EGLN1: variants seen among roughly 807,000 people sequenced by gnomAD.
EGLN1 encodes the protein egl-9 family hypoxia inducible factor 1.
A neutral mutation model predicts 38.3 loss-of-function variants in EGLN1; 17 were observed. The observed-to-expected ratio is 0.44, with a 90% CI of 0.30 to 0.67. The LOEUF is 0.67. Ranked by LOEUF, EGLN1 falls within the 30% of genes least tolerant of loss-of-function variation. EGLN1 has a pLI of 0.08. For missense variants in EGLN1, 477 were observed against 603.3 expected (o/e 0.79, Z 2.19); for synonymous variants, 283 against 257.5 (o/e 1.10, Z -0.95).
rs1181625429 is a variant in EGLN1, at chr1:231,421,890, G to C, written c.-2C>G. On this transcript the variant is annotated 5_prime_UTR_variant, in exon 1 of 5. Coordinates refer to ENST00000366641, the MANE Select transcript of EGLN1 (RefSeq NM_022051.3). This position sits in a 1 kb window ranked among gnomAD's most constrained non-coding sequence, Gnocchi z 5.5. ...GGGCCCGCCGCTGTCATTGGCCATG[G>C]CGGCGGCGGCGGCGGCGACGGCGAC... 9 of 1,398,924 alleles carry C rather than the reference G, an allele frequency of 6.4e-6. No homozygotes were observed. Among genetic ancestry groups the C allele is most frequent in the Non-Finnish European group, 8.3e-6 (9 of 1,085,002 alleles). The allele number at this position is 1,398,924 out of a possible 1,614,324, so 86.7% of individuals were successfully genotyped here.
chr1:231,396,314 C>T (rs367854971), intron 1 of EGLN1, among the ~76,000 whole-genome samples: 2 of 150,474 alleles, frequency 1.3e-5, no homozygotes, highest in East Asian at 3.9e-4. Context: ...AATGCAGTGG[C>T]AGGATCTCGG....
At chr1:231,417,461 A>T (rs1558083921) in intron 1 of EGLN1, among the ~76,000 whole-genome samples, 1 of 151,560 alleles carries the variant, frequency 6.6e-6, no homozygotes, top group Non-Finnish European at 1.5e-5. Flanking sequence ...CATGATCCTC[A>T]CTCCTCTGCA....
At chr1:231,389,647 A>G (rs557294524) in intron 1 of EGLN1, among the ~76,000 whole-genome samples, 1 of 152,214 alleles carries the variant, frequency 6.6e-6, no homozygotes. Context: ...GAACACAAAG[A>G]TTAAGAACAG....
chr1:231,416,462 T>C (rs1386543912), intron 1 of EGLN1, among the ~76,000 whole-genome samples: 1 of 148,336 alleles, frequency 6.7e-6, no homozygotes, highest in Non-Finnish European at 1.5e-5. Context: ...TGAGATAGGG[T>C]TTTGTTCTAT....
intron 1 of EGLN1, among the ~76,000 whole-genome samples, chr1:231,390,092 C>T (rs555489043): frequency 6.6e-6 from 1 of 152,302 alleles, no homozygotes; most frequent in Non-Finnish European, 1.5e-5. Flanking sequence ...TACCTAACTA[C>T]CCTTGTCTGT....
chr1:231,389,877 G>A (rs978700686), intron 1 of EGLN1, among the ~76,000 whole-genome samples: 2 of 152,208 alleles, frequency 1.3e-5, no homozygotes, highest in Non-Finnish European at 2.9e-5. Flanking sequence ...GAACCCGGGA[G>A]GCAGAGGTTG....
chr1:231,377,602 AGAG>A (rs1174611609), intron 1 of EGLN1, among the ~76,000 whole-genome samples: 1 of 152,214 alleles, frequency 6.6e-6, no homozygotes, highest in Non-Finnish European at 1.5e-5. Context: ...ATCGGGTAGG[AGAG>A]GAGTTTATCG....
chr1:231,392,288 A>AAAAAT (rs770431407), intron 1 of EGLN1, among the ~76,000 whole-genome samples: 10 of 152,310 alleles, frequency 6.6e-5, no homozygotes, highest in East Asian at 1.9e-4. Context: ...CTCTGTCTCA[A>AAAAAT]AAAATAAAAT....
chr1:231,367,533 C>T (rs1687683297), intron 4 of EGLN1, 36 bp downstream of exon 4: 2 of 1,602,110 alleles, frequency 1.2e-6, no homozygotes, highest in Non-Finnish European at 1.7e-6. Context: ...CAGGGTATTT[C>T]TGTACCAATA....
Position 231,370,708 on chromosome 1 carries a change from G to A in EGLN1, c.1012-10C>T. 1.2e-6 allele frequency: 2 copies of A among 1,613,980 alleles called. No individual in the cohort carries two copies. The highest frequency in any genetic ancestry group is 1.1e-5 in the South Asian group (1 of 91,080). ...GTATACCTCCACTTACCTAGGAAAAGAGCCAAATATGTAAGCAGGAGTAAC... is the reference window on the plus strand; with the variant it reads ...GTATACCTCCACTTACCTAGGAAAAAAGCCAAATATGTAAGCAGGAGTAAC... On this transcript the variant is annotated splice_polypyrimidine_tract_variant and intron_variant, in intron 2 of 4. Transcript: ENST00000366641.
At chr1:231,409,990 G>A (rs1415092075) in intron 1 of EGLN1, among the ~76,000 whole-genome samples, 2 of 151,938 alleles carry the variant, frequency 1.3e-5, no homozygotes, top group Non-Finnish European at 2.9e-5. Flanking sequence ...ATAACCCAGG[G>A]GGAAAAAAAG....
chr1:231,412,902 T>A (rs1331174709), intron 1 of EGLN1, among the ~76,000 whole-genome samples: 1 of 152,196 alleles, frequency 6.6e-6, no homozygotes, highest in Non-Finnish European at 1.5e-5. Flanking sequence ...AAGTCATTCA[T>A]GACTCTTCCA....
chr1:231,384,356 G>C (rs1031000644), intron 1 of EGLN1, among the ~76,000 whole-genome samples: 24 of 151,048 alleles, frequency 1.6e-4, no homozygotes, highest in African/African-American at 4.9e-4. Context: ...AAAAAATTAA[G>C]TCAATATATA....
At chr1:231,392,476 T>C (rs551771599) in intron 1 of EGLN1, among the ~76,000 whole-genome samples, 66 of 152,272 alleles carry the variant, frequency 4.3e-4, no homozygotes, top group African/African-American at 1.5e-3. Context: ...ATTCACTATA[T>C]GCTGTCAACC....
At chr1:231,414,157 CACAG>C (rs1265690633) in intron 1 of EGLN1, among the ~76,000 whole-genome samples, 3 of 152,000 alleles carry the variant, frequency 2.0e-5, no homozygotes, top group Non-Finnish European at 4.4e-5. Context: ...ATCATGTAGT[CACAG>C]ACAATGTTCC....
chr1:231,406,165 C>A (rs868649925), intron 1 of EGLN1, among the ~76,000 whole-genome samples: 11 of 139,102 alleles, frequency 7.9e-5, no homozygotes, highest in South Asian at 2.2e-4. Flanking sequence ...GACTCCGTCT[C>A]AAAAAAAAAA....
chr1:231,381,168 A>G (rs1176154547), intron 1 of EGLN1, among the ~76,000 whole-genome samples: 1 of 152,040 alleles, frequency 6.6e-6, no homozygotes, highest in East Asian at 1.9e-4. Flanking sequence ...TGGCCTCACA[A>G]AGTACTGGGA....
chr1:231,376,967 A>T (rs1687976373), intron 1 of EGLN1, among the ~76,000 whole-genome samples: 1 of 152,184 alleles, frequency 6.6e-6, no homozygotes, highest in Admixed American at 6.5e-5. Context: ...GGTAACCTAG[A>T]GCTGCAGGGC....
intron 1 of EGLN1, among the ~76,000 whole-genome samples, chr1:231,387,094 C>T (rs1193479473): frequency 3.3e-5 from 5 of 151,100 alleles, no homozygotes; most frequent in Non-Finnish European, 2.9e-5. Flanking sequence ...CCTGGCCTCA[C>T]GCAATCCTCC....
Sources: allele counts gnomAD v4.1 joint callset (sites outside exome capture counted in the v4.1 genomes callset), GRCh38; gene constraint gnomAD v4.1.1; non-coding constraint Gnocchi (gnomAD v3.1); transcripts MANE v1.5; gene names NCBI Gene and HGNC (gene_info 2026-07-23, HGNC 2026-07-21).